The following KHDRBS2 variants were observed in gnomAD, a reference collection of about 807,000 sequenced individuals.
KHDRBS2 encodes the protein KH domain-containing, RNA-binding, signal transduction-associated protein 2.
A neutral mutation model predicts 44.3 loss-of-function variants in KHDRBS2; 26 were observed. The observed-to-expected ratio is 0.59, with a 90% CI of 0.43 to 0.81. The LOEUF (loss-of-function observed/expected upper bound fraction) is 0.81. Ranked by LOEUF, KHDRBS2 falls within the 40% of genes least tolerant of loss-of-function variation. The probability of loss-of-function intolerance (pLI) is 0.00; values close to 1 mark genes in which losing one functional copy is unlikely to be tolerated. For synonymous variants in KHDRBS2, 194 were observed against 151.1 expected, an observed-to-expected ratio of 1.28 and a Z score of -2.08; for missense variants, 476 against 433.1, an observed-to-expected ratio of 1.10 and a Z score of -0.88.
At chr6:61,946,757 C>T (rs1813443424) in intron 4 of KHDRBS2, among the ~76,000 whole-genome samples, 1 of 152,034 alleles carries the variant, frequency 6.6e-6, no homozygotes, top group Admixed American at 6.6e-5. Flanking sequence ...GAAGTTAGTC[C>T]TAAGGAGATG....
At chr6:61,592,735 A>T in the KHDRBS2 span, among the ~76,000 whole-genome samples, 1 of 152,222 alleles carries the variant, frequency 6.6e-6, no homozygotes, top group South Asian at 2.1e-4. Flanking sequence ...TCATATATTA[A>T]GTTGGGATTG....
intron 6 of KHDRBS2, among the ~76,000 whole-genome samples, chr6:61,841,981 C>T (rs531191285): frequency 1.3e-5 from 2 of 152,256 alleles, no homozygotes; most frequent in South Asian, 4.1e-4. Context: ...CAATGCTAAA[C>T]CACTTTTGTT....
chr6:61,785,526 A>G (rs1379542058), intron 6 of KHDRBS2, among the ~76,000 whole-genome samples: 3 of 152,056 alleles, frequency 2.0e-5, no homozygotes, highest in Admixed American at 2.0e-4. Flanking sequence ...TTTGAAAAAT[A>G]AAATGTGTGT....
chr6:61,819,287 A>C (rs887839643), intron 6 of KHDRBS2, among the ~76,000 whole-genome samples: 1 of 152,062 alleles, frequency 6.6e-6, no homozygotes, highest in African/African-American at 2.4e-5. Context: ...TTTTTACACC[A>C]AATTTTAATT....
At chr6:61,595,195 A>T in the KHDRBS2 span, among the ~76,000 whole-genome samples, 28,471 of 152,054 alleles carry the variant, frequency 0.19, 3,036 homozygotes, top group East Asian at 0.29. Context: ...AAAAACTCTT[A>T]TAATAAAGCA....
intron 1 of KHDRBS2, among the ~76,000 whole-genome samples, chr6:62,197,962 T>G (rs1056689694): frequency 6.6e-6 from 1 of 152,006 alleles, no homozygotes; most frequent in African/African-American, 2.4e-5. Flanking sequence ...TACATGGAAA[T>G]TGAACAACCT....
chr6:61,789,135 A>C (rs372507722), intron 6 of KHDRBS2, among the ~76,000 whole-genome samples: 19 of 151,444 alleles, frequency 1.3e-4, no homozygotes, highest in African/African-American at 4.6e-4. Flanking sequence ...AATAATCTTC[A>C]AAATATTAAT....
At chr6:61,984,859 C>T (rs931620649) in intron 3 of KHDRBS2, among the ~76,000 whole-genome samples, 1 of 152,150 alleles carries the variant, frequency 6.6e-6, no homozygotes, top group African/African-American at 2.4e-5. Context: ...AGTTATAATT[C>T]ATTTTAAGAT....
At chr6:61,848,195 G>A (rs750037971) in intron 6 of KHDRBS2, among the ~76,000 whole-genome samples, 6 of 151,630 alleles carry the variant, frequency 4.0e-5, no homozygotes, top group Non-Finnish European at 8.8e-5. Flanking sequence ...AGTGGTTTCA[G>A]GAAACTGTCT....
chr6:61,829,313 C>T (rs1282798446), intron 6 of KHDRBS2, among the ~76,000 whole-genome samples: 3 of 152,126 alleles, frequency 2.0e-5, no homozygotes, highest in Non-Finnish European at 4.4e-5. Context: ...AGGCGCCCAC[C>T]GCCACGCTCA....
At chr6:61,566,926 C>G in the KHDRBS2 span, among the ~76,000 whole-genome samples, 1 of 152,090 alleles carries the variant, frequency 6.6e-6, no homozygotes, top group African/African-American at 2.4e-5. Flanking sequence ...TTCTTTAAGA[C>G]TAATGCAATA....
intron 2 of KHDRBS2, among the ~76,000 whole-genome samples, chr6:62,107,286 T>G (rs539049685): frequency 1.3e-5 from 2 of 152,206 alleles, no homozygotes; most frequent in South Asian, 2.1e-4. Flanking sequence ...ACAAGCATTC[T>G]TATACACCAA....
At chr6:62,209,536 G>T (rs1408628430) in intron 1 of KHDRBS2, among the ~76,000 whole-genome samples, 1 of 105,026 alleles carries the variant, frequency 9.5e-6, no homozygotes, top group Admixed American at 8.8e-5. Context: ...TACACAGATT[G>T]CCATTTAGAA....
intron 4 of KHDRBS2, among the ~76,000 whole-genome samples, chr6:61,934,085 A>G (rs1175155047): frequency 1.3e-5 from 2 of 151,504 alleles, no homozygotes; most frequent in Admixed American, 6.6e-5. Context: ...TGCCATTTGT[A>G]TATCTTCTTT....
intron 1 of KHDRBS2, among the ~76,000 whole-genome samples, chr6:62,267,861 T>C (rs1003802017): frequency 1.6e-4 from 24 of 152,072 alleles, no homozygotes; most frequent in African/African-American, 3.1e-4. Flanking sequence ...TGTGATTAAA[T>C]TTCAAAATTG....
chr6:61,879,306 G>C (rs1322724914), intron 6 of KHDRBS2, among the ~76,000 whole-genome samples: 1 of 151,912 alleles, frequency 6.6e-6, no homozygotes, highest in East Asian at 1.9e-4. Context: ...ATGAAGTCTG[G>C]AGTTCACTCT....
intron 1 of KHDRBS2, among the ~76,000 whole-genome samples, chr6:62,195,623 T>A (rs1825519714): frequency 1.3e-5 from 2 of 152,164 alleles, no homozygotes; most frequent in South Asian, 4.1e-4. Flanking sequence ...ACTCAGAGAC[T>A]CTTTTCTGAG....
At chr6:61,821,496 CAA>C (rs1404373833) in intron 6 of KHDRBS2, among the ~76,000 whole-genome samples, 5 of 151,944 alleles carry the variant, frequency 3.3e-5, no homozygotes, top group African/African-American at 1.2e-4. Flanking sequence ...GCACAGGTAT[CAA>C]TGACTTAAAA....
At chr6:62,256,776 G>A (rs1837454711) in intron 1 of KHDRBS2, among the ~76,000 whole-genome samples, 1 of 152,076 alleles carries the variant, frequency 6.6e-6, no homozygotes, top group Admixed American at 6.6e-5. Flanking sequence ...TGTAAATGCA[G>A]GTTACACTGA....
Sources: allele counts gnomAD v4.1 joint callset (sites outside exome capture counted in the v4.1 genomes callset), GRCh38; gene constraint gnomAD v4.1.1; transcripts MANE v1.5; gene names NCBI Gene and HGNC (gene_info 2026-07-23, HGNC 2026-07-21).